The following FADS1 variants were observed in gnomAD, a reference collection of about 807,000 sequenced individuals.
The protein encoded by FADS1 is acyl-CoA (8-3)-desaturase.
FADS1 carries 17 observed loss-of-function variants against 61.6 expected under a neutral mutation model. The ratio of observed to expected loss-of-function variants is 0.28; its 90% CI spans 0.19 to 0.41. The LOEUF (loss-of-function observed/expected upper bound fraction) is 0.41. FADS1 is among the 10% of genes least tolerant of loss of function. The probability of loss-of-function intolerance (pLI) is 1.00; values close to 1 mark genes in which losing one functional copy is unlikely to be tolerated. For missense variants in FADS1, 387 were observed against 650.9 expected, an observed-to-expected ratio of 0.59 and a Z score of 4.41; for synonymous variants, 238 against 258.7, an observed-to-expected ratio of 0.92 and a Z score of 0.77.
chr11:61,815,833 C>A lies in FADS1; in HGVS notation c.375+722G>T, dbSNP rs2066976543. On this transcript the variant is annotated intron_variant, in intron 1 of 11. Coordinates refer to ENST00000350997, the MANE Select transcript of FADS1 (RefSeq NM_013402.7). The surrounding 1 kb of genome is among the most constrained non-coding windows in gnomAD (Gnocchi z 6.4). ...TCCGCTCCGCGGAATAGCTGAAGAC[C>A]TCGCTGGCCTGCGGCTCAGTGGCCT... 5.7e-6 allele frequency: 1 copy of A among 176,504 alleles called. No individual in the cohort carries two copies. Among genetic ancestry groups the A allele is most frequent in the African/African-American group, 2.4e-5 (1 of 42,130 alleles). The allele number at this position is 176,504 out of a possible 1,614,324, so 10.9% of individuals were successfully genotyped here.
chr11:61,814,191 C>T (rs1350672270), intron 1 of FADS1: 1 of 152,640 alleles, frequency 6.6e-6, no homozygotes, highest in Non-Finnish European at 1.5e-5. Flanking sequence ...CACGAGCCCA[C>T]CTGAAGGAAC....
rs550432519 is a variant in FADS1 at position 61,802,351 on chromosome 11, C to T, written c.*60G>A. 2.1e-6 allele frequency: 3 copies of T among 1,440,456 alleles called. No homozygotes were observed. The highest frequency in any genetic ancestry group is 1.4e-5 in the African/African-American group (1 of 70,978). 89.2% of individuals were successfully genotyped at this position (1,440,456 alleles called of 1,614,324 possible). On this transcript the variant is annotated 3_prime_UTR_variant, in exon 12 of 12. Transcript: ENST00000350997. This position sits in a 1 kb window ranked among gnomAD's most constrained non-coding sequence, Gnocchi z 4.2. The stretch of plus-strand genomic sequence containing the variant: ...ATAGTGGCATTGTCCCTCAAGCTCC[C>T]CTCTGCCTTGGCTCCAGAGTCTTCC...
At chr11:61,808,335 CAAAA>C (rs199977718) in intron 5 of FADS1, among the ~76,000 whole-genome samples, 1 of 123,126 alleles carries the variant, frequency 8.1e-6, no homozygotes. Flanking sequence ...GACTCTGTCT[CAAAA>C]AAAAAAAAAA....
At position 61,816,789 on chromosome 11, in the gene FADS1, A is replaced by C. The variant is rs2066989156; in HGVS notation, c.141T>G (p.Ala47=). The C allele has an allele frequency of 6.6e-7, 1 of 1,513,210 alleles. No homozygotes were observed. Among genetic ancestry groups the C allele is most frequent in the Non-Finnish European group, 8.8e-7 (1 of 1,137,694 alleles). The allele number at this position is 1,513,210 out of a possible 1,614,324, so 93.7% of individuals were successfully genotyped here. Residue 47 remains alanine, a synonymous_variant, in exon 1 of 12, where the codon GCT becomes GCG. Transcript: ENST00000350997. The surrounding 1 kb of genome is among the most constrained non-coding windows in gnomAD (Gnocchi z 7.0). ...GCCTGGCGACGCCGCGCGCCGGGCC[A>C]GCAGGGGCTGTCAGGCGCGTGCTCG... ...RTPSTRLTAP[A]GPARGVARPA... is the part of the protein sequence containing the mutation.
At position 61,816,246 on chromosome 11, in the gene FADS1, G is replaced by C. The variant is rs1174262704; in HGVS notation, c.375+309C>G. The C allele has an allele frequency of 6.3e-7, 1 of 1,596,840 alleles. No homozygotes were observed. Among genetic ancestry groups the C allele is most frequent in the Admixed American group, 1.7e-5 (1 of 59,940 alleles). On this transcript the variant is annotated intron_variant, in intron 1 of 11. Coordinates refer to ENST00000350997, the MANE Select transcript of FADS1 (RefSeq NM_013402.7). This position sits in a 1 kb window ranked among gnomAD's most constrained non-coding sequence, Gnocchi z 7.0. ...CCTAGCCTACCCAGCTCGGGGTTCTGTCCCCGCCCAGAGACCTGAGGCTCG... is the reference window on the plus strand; with the variant it reads ...CCTAGCCTACCCAGCTCGGGGTTCTCTCCCCGCCCAGAGACCTGAGGCTCG...
chr11:61,804,983 T>C (rs2066883448), intron 6 of FADS1: 1 of 579,800 alleles, frequency 1.7e-6, no homozygotes, highest in Non-Finnish European at 3.1e-6. Flanking sequence ...CCCAAGAGGA[T>C]GCCAGGGAAG....
chr11:61,803,674 CTA>C lies in FADS1; in HGVS notation c.1145_1146del (p.Ile382SerfsTer23). The C allele has an allele frequency of 6.2e-7, 1 of 1,611,988 alleles. No individual in the cohort carries two copies. The highest frequency in any genetic ancestry group is 8.5e-7 in the Non-Finnish European group (1 of 1,178,038). ...GLKAFLGLFF[I>X]VRFLESNWFV... is the part of the protein sequence containing the mutation. ...TCCGCCCCCACCGAATACTACCTGA[CTA>C]TGAAGAAAAGGCCCAGGAAGGCTTT... On this transcript the variant is annotated frameshift_variant, in exon 8 of 12. Transcript: ENST00000350997. LOFTEE classifies it high-confidence loss of function. This position sits in a 1 kb window ranked among gnomAD's most constrained non-coding sequence, Gnocchi z 4.3.
In FADS1 at chr11:61,816,996, G is replaced by A; in HGVS notation, c.-67C>T. On this transcript the variant is annotated 5_prime_UTR_variant, in exon 1 of 12. Coordinates refer to ENST00000350997, the MANE Select transcript of FADS1 (RefSeq NM_013402.7). This position sits in a 1 kb window ranked among gnomAD's most constrained non-coding sequence, Gnocchi z 7.0. ...GGTGGGTCTTGGGCAACTCACAGCT[G>A]GGCTGCCAACACGCGCCCCCTCGCG... 3 of 1,334,666 alleles carry A rather than the reference G, an allele frequency of 2.2e-6. No individual in the cohort carries two copies. Among genetic ancestry groups the A allele is most frequent in the Non-Finnish European group, 2.9e-6 (3 of 1,047,328 alleles). 82.7% of individuals were successfully genotyped at this position (1,334,666 alleles called of 1,614,324 possible). A position where few individuals can be genotyped will look rare whatever the true frequency, so the allele number is the denominator to read the frequency against.
chr11:61,816,796 G>A lies in FADS1; in HGVS notation c.134C>T (p.Ala45Val). The change falls in exon 1 of 12, where the codon GCC (alanine) becomes GTC (valine). Residue 45 changes from alanine (A) to valine (V), a missense_variant. Ala to Val is a moderately conservative substitution (Grantham distance 64). This residue lies in a region of FADS1 where 130 missense variants were observed against 117.7 expected (regional missense o/e 1.10). Transcript: ENST00000350997. The surrounding 1 kb of genome is among the most constrained non-coding windows in gnomAD (Gnocchi z 7.0). ...SPRTPSTRLT[A>V]PAGPARGVAR... ...GACGCCGCGCGCCGGGCCAGCAGGG[G>A]CTGTCAGGCGCGTGCTCGGGGTCCG... 2 of 1,502,672 alleles carry A rather than the reference G, an allele frequency of 1.3e-6. No individual in the cohort carries two copies. Among genetic ancestry groups the A allele is most frequent in the East Asian group, 2.6e-5 (1 of 38,420 alleles). 93.1% of individuals were successfully genotyped at this position (1,502,672 alleles called of 1,614,324 possible).
In FADS1 at chr11:61,799,640, T is replaced by C. The variant is rs1565316742; in HGVS notation, c.*2771A>G. ...ACAAATGAAGTCTTTTGGTCAAAAT[T>C]AACTTTATTTTTCAACTTCATAGGG... On this transcript the variant is annotated 3_prime_UTR_variant, in exon 12 of 12. Transcript: ENST00000350997. The C allele has an allele frequency of 6.6e-6, 1 of 152,334 alleles. No homozygotes were observed. The highest frequency in any genetic ancestry group is 1.5e-5 in the Non-Finnish European group (1 of 68,024). 9.4% of individuals were successfully genotyped at this position (152,334 alleles called of 1,614,324 possible). A position where few individuals can be genotyped will look rare whatever the true frequency, so the allele number is the denominator to read the frequency against.
rs1397358830 is a variant in FADS1, at chr11:61,816,637, T to A, written c.293A>T (p.Lys98Met). The change falls in exon 1 of 12, where the codon AAG becomes ATG. Residue 98 changes from lysine to methionine, a missense_variant. By Grantham distance (95) the Lys-to-Met change is moderately conservative. Transcript: ENST00000350997. This position sits in a 1 kb window ranked among gnomAD's most constrained non-coding sequence, Gnocchi z 7.0. ...CEERWLVIDR[K>M]VYNISEFTRR... The stretch of plus-strand genomic sequence containing the variant: ...GGTGAACTCGCTGATGTTGTACACC[T>A]TACGGTCGATCACTAGCCACCGCTC... 3 of 1,604,218 alleles carry A rather than the reference T, an allele frequency of 1.9e-6. No individual in the cohort carries two copies. The highest frequency in any genetic ancestry group is 2.6e-6 in the Non-Finnish European group (3 of 1,176,278).
At position 61,802,595 on chromosome 11, in the gene FADS1, G is replaced by T; in HGVS notation, c.1455-133C>A. 1 of 1,216,064 alleles carries T rather than the reference G, an allele frequency of 8.2e-7. No individual in the cohort carries two copies. The highest frequency in any genetic ancestry group is 1.2e-6 in the Non-Finnish European group (1 of 851,162). The allele number at this position is 1,216,064 out of a possible 1,614,324, so 75.3% of individuals were successfully genotyped here. On this transcript the variant is annotated intron_variant, in intron 11 of 11. Coordinates refer to ENST00000350997, the MANE Select transcript of FADS1 (RefSeq NM_013402.7). The surrounding 1 kb of genome is among the most constrained non-coding windows in gnomAD (Gnocchi z 4.2). ...CCTCTACTTTAGAGAAAGCTAGCTT[G>T]GGCCATGGTACTGAGGGGAACCCCA...
chr11:61,809,718 C>G (rs565481345), intron 5 of FADS1, among the ~76,000 whole-genome samples: 1 of 152,144 alleles, frequency 6.6e-6, no homozygotes, highest in African/African-American at 2.4e-5. Context: ...GGGAGTCAGA[C>G]GGGGGACAGG....
At chr11:61,813,669 A>G (rs910746067) in intron 1 of FADS1, 12 of 273,790 alleles carry the variant, frequency 4.4e-5, no homozygotes, top group Middle Eastern at 2.2e-3. Context: ...AAATAAGGGA[A>G]TAAAAGCTGC....
chr11:61,816,935 G>A lies in FADS1; in HGVS notation c.-6C>T, dbSNP rs938895535. 22 of 1,382,420 alleles carry A rather than the reference G, an allele frequency of 1.6e-5. No individual in the cohort carries two copies. In the African/African-American group the frequency reaches 2.3e-4, roughly 14 times the overall value. 85.6% of individuals were successfully genotyped at this position (1,382,420 alleles called of 1,614,324 possible). On this transcript the variant is annotated 5_prime_UTR_variant, in exon 1 of 12. Transcript: ENST00000350997. This position sits in a 1 kb window ranked among gnomAD's most constrained non-coding sequence, Gnocchi z 7.0. ...CTCGCAGCGCGCGTTCCCATTGGCC[G>A]AGCCTCGTGGCGCGGGGAGCGAGAT...
In FADS1 at chr11:61,803,612, A is replaced by T; in HGVS notation, c.1151+58T>A. 1 of 1,471,336 alleles carries T rather than the reference A, an allele frequency of 6.8e-7. No homozygotes were observed. Among genetic ancestry groups the T allele is most frequent in the Non-Finnish European group, 9.5e-7 (1 of 1,050,296 alleles). 91.1% of individuals were successfully genotyped at this position (1,471,336 alleles called of 1,614,324 possible). ...AGCCCCAGCACGGCCCCTAGACCAGACTGGTCACTCCCCAACATTTCCTTC... is the reference window on the plus strand; with the variant it reads ...AGCCCCAGCACGGCCCCTAGACCAGTCTGGTCACTCCCCAACATTTCCTTC... On this transcript the variant is annotated intron_variant, in intron 8 of 11. Transcript: ENST00000350997. This position sits in a 1 kb window ranked among gnomAD's most constrained non-coding sequence, Gnocchi z 4.3.
chr11:61,813,194 G>A, intron 2 of FADS1, 49 bp downstream of exon 2: 1 of 1,108,282 alleles, frequency 9.0e-7, no homozygotes. Flanking sequence ...CCCCCTCTCT[G>A]TCCCCCTCAA....
rs999725409 is a variant in FADS1 at position 61,813,479 on chromosome 11, C to G, written c.376-126G>C. On this transcript the variant is annotated intron_variant, in intron 1 of 11. Coordinates refer to ENST00000350997, the MANE Select transcript of FADS1 (RefSeq NM_013402.7). ...CCCAAGTTGAAGTGAGAGGTGAAGC[C>G]AGATGGACTTCCTGGGTCGAGTGCA... The G allele has an allele frequency of 6.1e-6, 4 of 653,298 alleles. No homozygotes were observed. In the African/African-American group the frequency reaches 7.3e-5, roughly 12 times the overall value. 40.5% of individuals were successfully genotyped at this position (653,298 alleles called of 1,614,324 possible). A position where few individuals can be genotyped will look rare whatever the true frequency, so the allele number is the denominator to read the frequency against.
Position 61,816,587 on chromosome 11 carries a change from C to T in FADS1, c.343G>A (p.Val115Ile), listed in dbSNP as rs2066986268. Reference sequence around the variant, plus strand: ...TCCTGCCCGGCGTAGTGGCTGATGACCCGGGAGCCCCCTGGATGCCGGCGG... The same window carrying T: ...TCCTGCCCGGCGTAGTGGCTGATGATCCGGGAGCCCCCTGGATGCCGGCGG... ...FTRRHPGGSR[V>I]ISHYAGQDAT... Residue 115 changes from valine to isoleucine, a missense_variant, in exon 1 of 12, where the codon GTC (valine) becomes ATC (isoleucine). Around this residue, in one of 2 missense-constraint regions of FADS1, gnomAD observed 257 missense variants for 533.3 expected, o/e 0.48. Coordinates refer to ENST00000350997, the MANE Select transcript of FADS1 (RefSeq NM_013402.7). This position sits in a 1 kb window ranked among gnomAD's most constrained non-coding sequence, Gnocchi z 7.0. 6.2e-7 allele frequency: 1 copy of T among 1,609,420 alleles called. No individual in the cohort carries two copies. The highest frequency in any genetic ancestry group is 1.7e-5 in the Admixed American group (1 of 59,630).
Sources: allele counts gnomAD v4.1 joint callset (sites outside exome capture counted in the v4.1 genomes callset), GRCh38; gene constraint gnomAD v4.1.1; regional missense constraint gnomAD v4.1.1; non-coding constraint Gnocchi (gnomAD v3.1); transcripts MANE v1.5; gene names NCBI Gene and HGNC (gene_info 2026-07-23, HGNC 2026-07-21).